The following SMARCC1 variants were observed in gnomAD, a reference collection of about 807,000 sequenced individuals.
The protein encoded by SMARCC1 is SWI/SNF related BAF chromatin remodeling complex subunit C1.
A neutral mutation model predicts 147.4 loss-of-function variants in SMARCC1; 43 were observed. The ratio of observed to expected loss-of-function variants is 0.29; its 90% CI spans 0.23 to 0.38. The LOEUF is 0.38. Ranked by LOEUF, SMARCC1 falls within the 10% of genes least tolerant of loss-of-function variation. The probability of loss-of-function intolerance (pLI) is 1.00; values close to 1 mark genes in which losing one functional copy is unlikely to be tolerated. For missense variants in SMARCC1, 1,119 were observed against 1,381.1 expected, an observed-to-expected ratio of 0.81 and a Z score of 3.01; for synonymous variants, 495 against 484.4, an observed-to-expected ratio of 1.02 and a Z score of -0.29.
At chr3:47,712,886 C>T (rs2034105815) in intron 8 of SMARCC1, among the ~76,000 whole-genome samples, 1 of 152,122 alleles carries the variant, frequency 6.6e-6, no homozygotes, top group African/African-American at 2.4e-5. Context: ...AGTTCTGATA[C>T]TATAATCTAC....
intron 2 of SMARCC1, among the ~76,000 whole-genome samples, chr3:47,767,714 A>G (rs2034857236): frequency 6.6e-6 from 1 of 151,058 alleles, no homozygotes; most frequent in Non-Finnish European, 1.5e-5. Context: ...CTAAAAATAC[A>G]AAAATTAGCT....
At chr3:47,662,140 A>AGGC (rs1370280743) in intron 20 of SMARCC1, among the ~76,000 whole-genome samples, 194 bp downstream of exon 20, 1 of 152,110 alleles carries the variant, frequency 6.6e-6, no homozygotes, top group African/African-American at 2.4e-5. Flanking sequence ...GACTATAGGC[A>AGGC]TGTGCCACCA....
At chr3:47,730,580 T>G (rs964226351) in intron 5 of SMARCC1, among the ~76,000 whole-genome samples, 1 of 152,144 alleles carries the variant, frequency 6.6e-6, no homozygotes, top group Non-Finnish European at 1.5e-5. Context: ...ACGCTAACAA[T>G]AGCGGCTGGG....
intron 25 of SMARCC1, among the ~76,000 whole-genome samples, chr3:47,619,221 TTGTTGAC>T (rs2032692002): frequency 6.6e-6 from 1 of 152,214 alleles, no homozygotes; most frequent in Non-Finnish European, 1.5e-5. Flanking sequence ...TTGTCGTTAT[TTGTTGAC>T]TGTTTCCCCC....
At chr3:47,640,240 GA>G (rs1249398818) in intron 21 of SMARCC1, among the ~76,000 whole-genome samples, 1 of 150,408 alleles carries the variant, frequency 6.6e-6, no homozygotes, top group East Asian at 1.9e-4. Flanking sequence ...AGTAGGGATG[GA>G]AAAAAAGAAA....
chr3:47,670,802 A>G (rs2033485218), intron 18 of SMARCC1, 85 bp from the exon 19 acceptor site: 1 of 837,084 alleles, frequency 1.2e-6, no homozygotes, highest in African/African-American at 1.7e-5. Flanking sequence ...AGCTCAGGGG[A>G]CTGTGTTACG....
At chr3:47,693,816 C>T (rs1352734030) in intron 11 of SMARCC1, among the ~76,000 whole-genome samples, 2 of 152,244 alleles carry the variant, frequency 1.3e-5, no homozygotes, top group Non-Finnish European at 2.9e-5. Flanking sequence ...GCGCATGCCA[C>T]CACACCTAGT....
intron 26 of SMARCC1, chr3:47,603,947 A>G (rs1285438605): frequency 4.4e-6 from 2 of 449,586 alleles, no homozygotes; most frequent in Non-Finnish European, 8.9e-6. Flanking sequence ...AGTTAGGAGT[A>G]GGACCAAATA....
intron 3 of SMARCC1, among the ~76,000 whole-genome samples, chr3:47,742,228 G>C (rs1438611752): frequency 2.6e-5 from 4 of 151,674 alleles, no homozygotes; most frequent in Non-Finnish European, 5.9e-5. Flanking sequence ...CTCAAGATAG[G>C]GTTCCAGCCT....
At chr3:47,640,807 C>T (rs1205744656) in intron 21 of SMARCC1, among the ~76,000 whole-genome samples, 1 of 151,904 alleles carries the variant, frequency 6.6e-6, no homozygotes, top group South Asian at 2.1e-4. Flanking sequence ...GGCTAAATCT[C>T]ATTTGTAATC....
At chr3:47,714,380 G>C (rs1326780493) in intron 8 of SMARCC1, 35 bp downstream of exon 8, 2 of 1,320,704 alleles carry the variant, frequency 1.5e-6, no homozygotes, top group Admixed American at 1.8e-5. Flanking sequence ...ATTTTAAAAA[G>C]ATTATTGTAA....
At chr3:47,602,836 G>A (rs1353709794) in intron 26 of SMARCC1, among the ~76,000 whole-genome samples, 1 of 152,220 alleles carries the variant, frequency 6.6e-6, no homozygotes, top group Non-Finnish European at 1.5e-5. Context: ...GAATGTTCAA[G>A]AGTGCCTCAT....
chr3:47,635,457 G>A lies in SMARCC1; in HGVS notation c.2492-113C>T, dbSNP rs1300537815. 13 of 921,854 alleles carry A rather than the reference G, an allele frequency of 1.4e-5. No homozygotes were observed. The East Asian group carries it at 2.4e-4, about 17-fold the overall frequency. The allele number at this position is 921,854 out of a possible 1,614,324, so 57.1% of individuals were successfully genotyped here. ...ACTGATATGACAAAGAGATGTCAAT[G>A]CCTTTTTCTTCTTTTTAAGAGTTCT... On this transcript the variant is annotated intron_variant, in intron 23 of 27. Coordinates refer to ENST00000254480, the MANE Select transcript of SMARCC1 (RefSeq NM_003074.4).
At chr3:47,755,327 C>A (rs2034682471) in intron 2 of SMARCC1, among the ~76,000 whole-genome samples, 1 of 143,704 alleles carries the variant, frequency 7.0e-6, no homozygotes, top group Non-Finnish European at 1.5e-5. Flanking sequence ...AAGGTGAAAC[C>A]CTGTCTAAAA....
intron 6 of SMARCC1, among the ~76,000 whole-genome samples, chr3:47,725,113 T>C (rs760970402): frequency 8.9e-5 from 13 of 145,328 alleles, no homozygotes; most frequent in Non-Finnish European, 3.0e-5. Context: ...TATGTAAAAA[T>C]GATTAAGATA....
At chr3:47,751,525 A>C (rs957252205) in intron 2 of SMARCC1, among the ~76,000 whole-genome samples, 1 of 151,386 alleles carries the variant, frequency 6.6e-6, no homozygotes, top group Admixed American at 6.6e-5. Flanking sequence ...TGGGCAACAG[A>C]GCAAGACTCT....
chr3:47,720,649 C>A lies in SMARCC1; in HGVS notation c.716+17G>T. On this transcript the variant is annotated intron_variant, in intron 7 of 27. Transcript: ENST00000254480. ...ACAGAAATCTTTATACCAGGTCTCA[C>A]AGCATATGAACATTACCTGTCTGGG... is the stretch of plus-strand genomic sequence containing the variant. The A allele has an allele frequency of 1.1e-5, 17 of 1,537,136 alleles. No individual in the cohort carries two copies. The highest frequency in any genetic ancestry group is 1.5e-5 in the Non-Finnish European group (17 of 1,117,620).
intron 25 of SMARCC1, among the ~76,000 whole-genome samples, chr3:47,621,427 T>C (rs1018318089): frequency 6.6e-6 from 1 of 152,078 alleles, no homozygotes; most frequent in Admixed American, 6.5e-5. Flanking sequence ...AATAGTGGAC[T>C]GGATAAAGAA....
At chr3:47,774,120 T>C (rs1410075215) in intron 1 of SMARCC1, among the ~76,000 whole-genome samples, 2 of 152,104 alleles carry the variant, frequency 1.3e-5, no homozygotes, top group Non-Finnish European at 2.9e-5. Context: ...GAGTGGTGTA[T>C]GGTCAAAATT....
Sources: gnomAD v4.1 joint callset for allele counts (sites outside exome capture counted in the v4.1 genomes callset) on GRCh38, gnomAD v4.1.1 for gene constraint, MANE v1.5 for transcripts, NCBI Gene and HGNC (gene_info 2026-07-23, HGNC 2026-07-21) for gene names.